The following BMAL1 variants were observed in gnomAD, a reference collection of about 807,000 sequenced individuals.
BMAL1 encodes the protein basic helix-loop-helix ARNT-like protein 1.
At chr11:13,302,524 C>G in the BMAL1 span, among the ~76,000 whole-genome samples, 1 of 152,190 alleles carries the variant, frequency 6.6e-6, no homozygotes, top group Non-Finnish European at 1.5e-5. Flanking sequence ...GTGACTTCCC[C>G]CATCTAAATG....
At chr11:13,303,947 G>A in the BMAL1 span, among the ~76,000 whole-genome samples, 3 of 152,204 alleles carry the variant, frequency 2.0e-5, no homozygotes, top group Non-Finnish European at 2.9e-5. Context: ...GCTGGAGGAA[G>A]AGCATTTTAC....
At chr11:13,284,198 G>GTA in the BMAL1 span, among the ~76,000 whole-genome samples, 8 of 71,840 alleles carry the variant, frequency 1.1e-4, no homozygotes, top group African/African-American at 5.5e-4. Context: ...ATATATGTGT[G>GTA]TATATATATA....
At chr11:13,279,108 G>C in the BMAL1 span, among the ~76,000 whole-genome samples, 2 of 152,144 alleles carry the variant, frequency 1.3e-5, no homozygotes, top group African/African-American at 4.8e-5. Flanking sequence ...TCTCCGCCTC[G>C]GCCCCTTCCC....
chr11:13,277,278 A>G, the BMAL1 span, among the ~76,000 whole-genome samples: 3 of 152,140 alleles, frequency 2.0e-5, no homozygotes, highest in African/African-American at 4.8e-5. Context: ...GGAGAAGAAG[A>G]AGGAGGAGGG....
At chr11:13,279,396 C>T in the BMAL1 span, among the ~76,000 whole-genome samples, 1 of 152,264 alleles carries the variant, frequency 6.6e-6, no homozygotes, top group African/African-American at 2.4e-5. Context: ...TGTTGTTCAC[C>T]CCTTTAATCT....
the BMAL1 span, among the ~76,000 whole-genome samples, chr11:13,309,806 G>C: frequency 2.6e-5 from 4 of 152,236 alleles, no homozygotes; most frequent in South Asian, 8.3e-4. Flanking sequence ...TGAGAGGAGG[G>C]GGTGCCTGGC....
chr11:13,311,857 G>T, the BMAL1 span, among the ~76,000 whole-genome samples: 1 of 152,164 alleles, frequency 6.6e-6, no homozygotes, highest in Non-Finnish European at 1.5e-5. Context: ...GTGATCTGTT[G>T]GGGAAGTAGT....
chr11:13,366,860 G>A, the BMAL1 span: 1 of 1,113,208 alleles, frequency 9.0e-7, no homozygotes, highest in Non-Finnish European at 1.3e-6. Context: ...GAGGGCGGGT[G>A]TGTGTGATGG....
the BMAL1 span, among the ~76,000 whole-genome samples, chr11:13,363,397 C>G: frequency 6.6e-6 from 1 of 152,004 alleles, no homozygotes; most frequent in Non-Finnish European, 1.5e-5. Context: ...ATGCAGCACT[C>G]AAGAGTGATC....
the BMAL1 span, among the ~76,000 whole-genome samples, chr11:13,345,386 A>G: frequency 6.6e-6 from 1 of 152,208 alleles, no homozygotes; most frequent in African/African-American, 2.4e-5. Flanking sequence ...TCCAGGTCTT[A>G]AAAGAGTGAG....
At chr11:13,334,547 A>T in the BMAL1 span, among the ~76,000 whole-genome samples, 31 of 146,310 alleles carry the variant, frequency 2.1e-4, 1 homozygote, top group East Asian at 5.7e-3. Context: ...TTTTTTCCTG[A>T]ACATGGTGCC....
chr11:13,376,402 C>T, the BMAL1 span: 27 of 543,518 alleles, frequency 5.0e-5, no homozygotes, highest in African/African-American at 3.8e-4. Flanking sequence ...GCAGCCACCA[C>T]CTCTGCTGAA....
the BMAL1 span, among the ~76,000 whole-genome samples, chr11:13,337,228 ACTGACCCAT>A: frequency 6.6e-6 from 1 of 152,190 alleles, no homozygotes; most frequent in African/African-American, 2.4e-5. Context: ...TTAAAACAAA[ACTGACCCAT>A]CTCACCAGTT....
the BMAL1 span, among the ~76,000 whole-genome samples, chr11:13,281,244 CAG>C: frequency 6.6e-6 from 1 of 152,106 alleles, no homozygotes; most frequent in African/African-American, 2.4e-5. Flanking sequence ...ATGGAAGAGG[CAG>C]AGTCAGACTT....
At chr11:13,363,910 G>A in the BMAL1 span, among the ~76,000 whole-genome samples, 3 of 152,112 alleles carry the variant, frequency 2.0e-5, no homozygotes, top group East Asian at 5.8e-4. Context: ...CTATGGAGTT[G>A]GAATGTCCAG....
the BMAL1 span, chr11:13,369,626 C>G: frequency 6.2e-7 from 1 of 1,613,740 alleles, no homozygotes; most frequent in Non-Finnish European, 8.5e-7. Context: ...AGCTGGACTT[C>G]CAGTTAAAAC....
the BMAL1 span, among the ~76,000 whole-genome samples, chr11:13,361,896 C>A: frequency 2.0e-5 from 3 of 152,184 alleles, no homozygotes; most frequent in African/African-American, 7.2e-5. Context: ...GTCTGGCTGT[C>A]CTTTTTATCA....
At chr11:13,313,840 C>A in the BMAL1 span, among the ~76,000 whole-genome samples, 3 of 152,156 alleles carry the variant, frequency 2.0e-5, no homozygotes, top group African/African-American at 7.2e-5. Flanking sequence ...TTCAGCGGGG[C>A]CTGCAGTCTT....
the BMAL1 span, chr11:13,360,535 G>C: frequency 2.2e-6 from 2 of 900,988 alleles, no homozygotes; most frequent in African/African-American, 3.4e-5. Flanking sequence ...TTTTAGGCCT[G>C]CTTCCTCTCT....
Sources: allele counts gnomAD v4.1 joint callset (sites outside exome capture counted in the v4.1 genomes callset), GRCh38; gene constraint gnomAD v4.1.1; transcripts MANE v1.5; gene names NCBI Gene and HGNC (gene_info 2026-07-23, HGNC 2026-07-21).